The following PCNX3 variants were observed in gnomAD, a reference collection of about 807,000 sequenced individuals.
The protein encoded by PCNX3 is pecanex-like protein 3.
Under a neutral mutation model 207.2 loss-of-function variants are expected in PCNX3, and 58 were observed. That is an observed-to-expected ratio of 0.28 (90% CI 0.23 to 0.35). The LOEUF is 0.35. Ranked by LOEUF, PCNX3 falls within the 10% of genes least tolerant of loss-of-function variation. PCNX3 has a pLI of 1.00. For missense variants in PCNX3, 2,410 were observed against 2,774.4 expected (o/e 0.87, Z 2.95); for synonymous variants, 1,337 against 1,183.5 (o/e 1.13, Z -2.66).
In PCNX3 at chr11:65,634,337, G is replaced by A; in HGVS notation, c.4682G>A (p.Cys1561Tyr). 1 of 1,589,648 alleles carries A rather than the reference G, an allele frequency of 6.3e-7. No individual in the cohort carries two copies. Among genetic ancestry groups the A allele is most frequent in the East Asian group, 2.3e-5 (1 of 43,646 alleles). Residue 1561 changes from cysteine (C) to tyrosine (Y), a missense_variant, in exon 28 of 35, where the codon TGC becomes TAC. This residue lies in a region of PCNX3 where 420 missense variants were observed against 705.3 expected (regional missense o/e 0.60). Transcript: ENST00000355703. ...GTGCACCTCGAGTGGATCCAGTACT[G>A]CGCCTCCCGGCGCAGCCAGGTCAGG... The part of the protein sequence containing the change: ...CAVHLEWIQY[C>Y]ASRRSQPVDQ...
chr11:65,631,036 C>T (rs943234942), intron 27 of PCNX3, among the ~76,000 whole-genome samples: 3 of 152,224 alleles, frequency 2.0e-5, no homozygotes, highest in African/African-American at 7.2e-5. Context: ...TGGGTGGAGT[C>T]CCCCACCCTT....
intron 10 of PCNX3, among the ~76,000 whole-genome samples, chr11:65,621,983 C>T (rs1022525789): frequency 5.9e-5 from 9 of 152,252 alleles, no homozygotes; most frequent in South Asian, 2.1e-4. Context: ...GGCGTGGGAG[C>T]GGGTGACTCT....
rs1392428169 is a variant in PCNX3 at position 65,618,354 on chromosome 11, C to T, written c.992C>T (p.Ala331Val). The change falls in exon 6 of 35, where the codon GCC (alanine) becomes GTC (valine). Residue 331 changes from alanine (A) to valine (V), a missense_variant. By Grantham distance (64) the Ala-to-Val change is moderately conservative. Around this residue, in one of 8 missense-constraint regions of PCNX3, gnomAD observed 1,104 missense variants for 970.3 expected, o/e 1.14. Coordinates refer to ENST00000355703, the MANE Select transcript of PCNX3 (RefSeq NM_032223.4). Reference sequence around the variant, plus strand: ...CTGGACAGCCCCCCAGGGGGGCCAGCCCCTGAGGGCAGCGACACAGACCCA... The same window carrying T: ...CTGGACAGCCCCCCAGGGGGGCCAGTCCCTGAGGGCAGCGACACAGACCCA... ...THLDSPPGGP[A>V]PEGSDTDPPS... The T allele has an allele frequency of 1.2e-6, 2 of 1,612,274 alleles. No individual in the cohort carries two copies. The highest frequency in any genetic ancestry group is 1.3e-5 in the African/African-American group (1 of 74,926).
intron 10 of PCNX3, among the ~76,000 whole-genome samples, chr11:65,621,579 C>T (rs956908199): frequency 3.9e-5 from 6 of 152,356 alleles, no homozygotes; most frequent in South Asian, 2.1e-4. Context: ...CCCACCTGCC[C>T]GCTTCTGGTT....
chr11:65,624,752 C>T (rs1855292719), intron 15 of PCNX3, among the ~76,000 whole-genome samples, 171 bp downstream of exon 15: 1 of 152,182 alleles, frequency 6.6e-6, no homozygotes. Context: ...TGGTTTATAT[C>T]TGAGAATCTT....
rs1176723760 is a variant in PCNX3, at chr11:65,617,291, C to G, written c.383C>G (p.Ser128Cys). ...ATGACAGTGTTCCGGAAAGTCAGTT[C>G]CACACCCCCGGTGCGCTGCAGCTCC... ...VEMTVFRKVS[S>C]TPPVRCSSQH... The change falls in exon 3 of 35, where the codon TCC becomes TGC. Residue 128 changes from serine to cysteine, a missense_variant. Coordinates refer to ENST00000355703, the MANE Select transcript of PCNX3 (RefSeq NM_032223.4). 2 of 1,611,238 alleles carry G rather than the reference C, an allele frequency of 1.2e-6. No individual in the cohort carries two copies. Among genetic ancestry groups the G allele is most frequent in the Admixed American group, 3.4e-5 (2 of 59,628 alleles).
intron 27 of PCNX3, among the ~76,000 whole-genome samples, chr11:65,631,471 A>C (rs1270372519): frequency 6.6e-6 from 1 of 152,194 alleles, no homozygotes; most frequent in Non-Finnish European, 1.5e-5. Context: ...AGCCTGGCCA[A>C]TGTGGCGAAA....
In PCNX3 at chr11:65,624,319, C is replaced by T. The variant is rs753215672; in HGVS notation, c.2669C>T (p.Thr890Met). ...CCACCTGTCTCCCTCTACGGCCTCA[C>T]GCTCTTCTCTGCCTCCTTCTTCTTC... ...PFPPVSLYGL[T>M]LFSASFFFCA... Residue 890 changes from threonine to methionine, a missense_variant, in exon 14 of 35, where the codon ACG becomes ATG. Around this residue, in one of 8 missense-constraint regions of PCNX3, gnomAD observed 177 missense variants for 257.5 expected, o/e 0.69. Transcript: ENST00000355703. 7 of 1,566,880 alleles carry T rather than the reference C, an allele frequency of 4.5e-6. No individual in the cohort carries two copies. Among genetic ancestry groups the T allele is most frequent in the South Asian group, 2.3e-5 (2 of 85,326 alleles).
chr11:65,619,546 A>T lies in PCNX3; in HGVS notation c.1715A>T (p.Glu572Val), dbSNP rs1854961406. 6.2e-7 allele frequency: 1 copy of T among 1,611,622 alleles called. No individual in the cohort carries two copies. Among genetic ancestry groups the T allele is most frequent in the Admixed American group, 1.7e-5 (1 of 59,958 alleles). The change falls in exon 7 of 35, where the codon GAG (glutamate) becomes GTG (valine). Residue 572 changes from glutamate to valine, a missense_variant. Glu to Val is a moderately radical substitution (Grantham distance 121, BLOSUM62 -2). Around this residue, in one of 8 missense-constraint regions of PCNX3, gnomAD observed 1,104 missense variants for 970.3 expected, o/e 1.14. Transcript: ENST00000355703. ...EEGAVGGAAE[E>V]TGRRDRSSSV... is the part of the protein sequence containing the mutation. The stretch of plus-strand genomic sequence containing the variant: ...GCCTCTCTCTGGGCAGCGGCCGAGG[A>T]GACTGGCAGGCGGGACCGCTCAAGC...
intron 11 of PCNX3, among the ~76,000 whole-genome samples, chr11:65,622,996 A>G (rs931458598): frequency 7.9e-5 from 12 of 151,432 alleles, no homozygotes; most frequent in African/African-American, 2.4e-4. Flanking sequence ...CACTTTTCCC[A>G]TTTCTCAGAG....
intron 2 of PCNX3, 30 bp from the exon 3 acceptor site, chr11:65,617,220 C>A: frequency 6.4e-7 from 1 of 1,567,676 alleles, no homozygotes; most frequent in Non-Finnish European, 8.7e-7. Flanking sequence ...GAGAGGTTAG[C>A]TCAAAGCTGC....
At chr11:65,616,590 T>A in intron 1 of PCNX3, 126 bp downstream of exon 1, 1 of 1,229,526 alleles carries the variant, frequency 8.1e-7, no homozygotes, top group Non-Finnish European at 1.1e-6. Context: ...TGGGTCTGTG[T>A]GGAAGAGGGG....
rs769272482 is a variant in PCNX3, at chr11:65,620,875, C to T, written c.2144C>T (p.Pro715Leu). 3 of 1,584,376 alleles carry T rather than the reference C, an allele frequency of 1.9e-6. No homozygotes were observed. The highest frequency in any genetic ancestry group is 2.6e-6 in the Non-Finnish European group (3 of 1,166,078). Residue 715 changes from proline (P) to leucine (L), a missense_variant, in exon 10 of 35, where the codon CCT (proline) becomes CTT (leucine). Around this residue, in one of 8 missense-constraint regions of PCNX3, gnomAD observed 1,104 missense variants for 970.3 expected, o/e 1.14. Coordinates refer to ENST00000355703, the MANE Select transcript of PCNX3 (RefSeq NM_032223.4). ...HSSSFHSADV[P>L]EATGGLNLLQ... The stretch of plus-strand genomic sequence containing the variant: ...TCCAGCTTCCACTCGGCTGATGTCC[C>T]TGAGGCTACAGGCGGCCTGAACCTG...
rs1855889761 is a variant in PCNX3, at chr11:65,637,353, T to G, written c.*375T>G. 8.2e-6 allele frequency: 2 copies of G among 243,886 alleles called. No individual in the cohort carries two copies. Among genetic ancestry groups the G allele is most frequent in the East Asian group, 1.6e-4 (2 of 12,324 alleles). The allele number at this position is 243,886 out of a possible 1,614,324, so 15.1% of individuals were successfully genotyped here. ...GGCCTGAATTGTGGGAAGGGTGGTT[T>G]CTTTCTTTCCTTTTTTTTCTTTTCT... On this transcript the variant is annotated 3_prime_UTR_variant, in exon 35 of 35. Coordinates refer to ENST00000355703, the MANE Select transcript of PCNX3 (RefSeq NM_032223.4).
Position 65,618,468 on chromosome 11 carries a change from G to C in PCNX3, c.1106G>C (p.Gly369Ala). The change falls in exon 6 of 35, where the codon GGG becomes GCG. Residue 369 changes from glycine to alanine, a missense_variant. Physicochemically the swap from Gly to Ala is moderately conservative, Grantham distance 60. Around this residue, in one of 8 missense-constraint regions of PCNX3, gnomAD observed 1,104 missense variants for 970.3 expected, o/e 1.14. Coordinates refer to ENST00000355703, the MANE Select transcript of PCNX3 (RefSeq NM_032223.4). ...TCCTTTGACACGGTCATTGGAGCAG[G>C]GACGCCACCGGGCCTGGCTGAGCCG... The part of the protein sequence containing the change: ...LRSFDTVIGA[G>A]TPPGLAEPLL... 1 of 1,608,958 alleles carries C rather than the reference G, an allele frequency of 6.2e-7. No individual in the cohort carries two copies. Among genetic ancestry groups the C allele is most frequent in the Non-Finnish European group, 8.5e-7 (1 of 1,178,242 alleles).
At chr11:65,627,719 C>T (rs753719404) in intron 22 of PCNX3, 137 bp downstream of exon 22, 6 of 1,089,304 alleles carry the variant, frequency 5.5e-6, no homozygotes, top group Middle Eastern at 4.5e-4. Flanking sequence ...GCAGCAGCCT[C>T]TCAAGGAAGG....
chr11:65,636,166 ACCC>A lies in PCNX3; in HGVS notation c.5460-5_5460-3del. 1 of 1,594,358 alleles carries A rather than the reference ACCC, an allele frequency of 6.3e-7. No individual in the cohort carries two copies. Among genetic ancestry groups the A allele is most frequent in the South Asian group, 1.1e-5 (1 of 88,072 alleles). ...CTCCTGATCCCTTTTCTACCTCTCCACCCCCAGGCTTCACAAGGGCTGTGGCGC... is the reference window on the plus strand; with the variant it reads ...CTCCTGATCCCTTTTCTACCTCTCCACCAGGCTTCACAAGGGCTGTGGCGC... On this transcript the variant is annotated splice_region_variant and splice_polypyrimidine_tract_variant and intron_variant, in intron 32 of 34. Coordinates refer to ENST00000355703, the MANE Select transcript of PCNX3 (RefSeq NM_032223.4).
chr11:65,616,869 G>A lies in PCNX3; in HGVS notation c.199G>A (p.Val67Met). 1 of 1,613,674 alleles carries A rather than the reference G, an allele frequency of 6.2e-7. No individual in the cohort carries two copies. ...LMVAGVYCLV[V>M]AVIFATIKTV... ...GGTGGCCGGCGTGTACTGCCTCGTG[G>A]TGGCTGTCATCTTTGCTACTATCAA... The change falls in exon 2 of 35, where the codon GTG becomes ATG. Residue 67 changes from valine (V) to methionine (M), a missense_variant. Physicochemically the swap from Val to Met is conservative, Grantham distance 21 (BLOSUM62 1). This residue lies in a region of PCNX3 where 1,104 missense variants were observed against 970.3 expected (regional missense o/e 1.14). Coordinates refer to ENST00000355703, the MANE Select transcript of PCNX3 (RefSeq NM_032223.4).
chr11:65,617,251 G>T lies in PCNX3; in HGVS notation c.343G>T (p.Asp115Tyr). Residue 115 changes from aspartate to tyrosine, a missense_variant and splice_region_variant, in exon 3 of 35, where the codon GAC becomes TAC. Asp to Tyr is a radical substitution (Grantham distance 160). Around this residue, in one of 8 missense-constraint regions of PCNX3, gnomAD observed 1,104 missense variants for 970.3 expected, o/e 1.14. Transcript: ENST00000355703. ...GCTGCTGCTCTTTTTCACCGCCAGG[G>T]ACCCCGGAGTGGAGATGACAGTGTT... ...PAQGDSNPPR[D>Y]PGVEMTVFRK... is the part of the protein sequence containing the mutation. 6.2e-7 allele frequency: 1 copy of T among 1,601,418 alleles called. No homozygotes were observed. Among genetic ancestry groups the T allele is most frequent in the Non-Finnish European group, 8.5e-7 (1 of 1,174,142 alleles).
Sources: gnomAD v4.1 joint callset for allele counts (sites outside exome capture counted in the v4.1 genomes callset) on GRCh38, gnomAD v4.1.1 for gene constraint, gnomAD v4.1.1 regional missense constraint, MANE v1.5 for transcripts, NCBI Gene and HGNC (gene_info 2026-07-23, HGNC 2026-07-21) for gene names.